The following FAM13C variants were observed in gnomAD, a reference collection of about 807,000 sequenced individuals.
The protein encoded by FAM13C is protein FAM13C.
A neutral mutation model predicts 73.2 loss-of-function variants in FAM13C; 37 were observed. The observed-to-expected ratio is 0.51, with a 90% CI of 0.39 to 0.67. FAM13C has a LOEUF of 0.67. Ranked by LOEUF, FAM13C falls within the 30% of genes least tolerant of loss-of-function variation. The pLI is 0.00. For missense variants in FAM13C, 589 were observed against 715.6 expected (o/e 0.82, Z 2.02); for synonymous variants, 246 against 260.9 (o/e 0.94, Z 0.55).
intron 3 of FAM13C, among the ~76,000 whole-genome samples, chr10:59,344,829 T>A (rs536029173): frequency 2.6e-5 from 4 of 152,118 alleles, no homozygotes; most frequent in Admixed American, 6.5e-5. Context: ...CTCAACTATT[T>A]ATCTCTGGAG....
intron 8 of FAM13C, among the ~76,000 whole-genome samples, chr10:59,267,488 G>T (rs917836863): frequency 6.6e-6 from 1 of 152,138 alleles, no homozygotes; most frequent in African/African-American, 2.4e-5. Context: ...AGCTGTGACT[G>T]CCTGACTTTG....
At chr10:59,324,221 C>T in intron 3 of FAM13C, 115 bp from the exon 4 acceptor site, 2 of 771,332 alleles carry the variant, frequency 2.6e-6, no homozygotes, top group Admixed American at 2.5e-5. Flanking sequence ...ACACATTCTG[C>T]TGATTGTAGT....
At chr10:59,339,782 G>A (rs1472270882) in intron 3 of FAM13C, among the ~76,000 whole-genome samples, 2 of 152,192 alleles carry the variant, frequency 1.3e-5, no homozygotes, top group East Asian at 3.9e-4. Flanking sequence ...GGAAAGGCCA[G>A]CTCAGTGTGC....
At chr10:59,334,227 A>G (rs571400474) in intron 3 of FAM13C, among the ~76,000 whole-genome samples, 3 of 152,348 alleles carry the variant, frequency 2.0e-5, no homozygotes, top group African/African-American at 4.8e-5. Flanking sequence ...GAAATGGAAT[A>G]TTATGTATGG....
chr10:59,338,063 T>C (rs769953151), intron 3 of FAM13C, among the ~76,000 whole-genome samples: 1 of 152,208 alleles, frequency 6.6e-6, no homozygotes, highest in Non-Finnish European at 1.5e-5. Context: ...CTAACATTTA[T>C]TGAGCTTTTA....
chr10:59,251,245 T>C, intron 13 of FAM13C: 2 of 375,426 alleles, frequency 5.3e-6, no homozygotes, highest in Admixed American at 4.5e-5. Flanking sequence ...AAAGCAGTTA[T>C]GTGGGCTAAA....
intron 8 of FAM13C, among the ~76,000 whole-genome samples, chr10:59,265,319 T>TGGGGG (rs1554811296): frequency 8.7e-4 from 2 of 2,292 alleles, no homozygotes; most frequent in African/African-American, 1.0e-3. Context: ...GAAGGGGTTT[T>TGGGGG]GGCGGGGGGG....
At chr10:59,264,195 G>T in intron 8 of FAM13C, 29 bp from the exon 9 acceptor site, 11 of 1,318,454 alleles carry the variant, frequency 8.3e-6, no homozygotes, top group Non-Finnish European at 1.2e-5. Flanking sequence ...AATGGGGGTG[G>T]AAGGGAGGGA....
At chr10:59,301,690 C>T (rs576214399) in intron 5 of FAM13C, among the ~76,000 whole-genome samples, 2 of 152,204 alleles carry the variant, frequency 1.3e-5, no homozygotes, top group African/African-American at 2.4e-5. Context: ...CAGACAGCTG[C>T]GTTCACTGAT....
intron 3 of FAM13C, among the ~76,000 whole-genome samples, chr10:59,344,791 T>G (rs1489893765): frequency 6.6e-6 from 1 of 152,122 alleles, no homozygotes; most frequent in East Asian, 1.9e-4. Flanking sequence ...CTATAGACCA[T>G]GCATTTTACC....
intron 3 of FAM13C, among the ~76,000 whole-genome samples, chr10:59,341,960 C>T (rs1003323869): frequency 2.0e-5 from 3 of 152,154 alleles, no homozygotes; most frequent in Non-Finnish European, 4.4e-5. Flanking sequence ...TTCAAAGCCA[C>T]AGTGTTCTGG....
intron 3 of FAM13C, among the ~76,000 whole-genome samples, chr10:59,347,424 T>C (rs1220561619): frequency 6.6e-6 from 1 of 152,228 alleles, no homozygotes; most frequent in Non-Finnish European, 1.5e-5. Flanking sequence ...CTTCTGATTC[T>C]GACTTTGGCG....
At chr10:59,252,032 G>C (rs1841431080) in intron 12 of FAM13C, among the ~76,000 whole-genome samples, 1 of 152,146 alleles carries the variant, frequency 6.6e-6, no homozygotes, top group Non-Finnish European at 1.5e-5. Flanking sequence ...GAACATAAGA[G>C]ATACAGAGGA....
intron 4 of FAM13C, among the ~76,000 whole-genome samples, chr10:59,315,518 A>G (rs927535872): frequency 1.3e-5 from 2 of 152,028 alleles, no homozygotes; most frequent in African/African-American, 4.8e-5. Context: ...TCTGGGGGCT[A>G]TTTGTGATTA....
intron 7 of FAM13C, 46 bp from the exon 8 acceptor site, chr10:59,268,737 C>T (rs1329230576): frequency 2.5e-6 from 4 of 1,592,468 alleles, no homozygotes; most frequent in Non-Finnish European, 3.4e-6. Flanking sequence ...CAGTGGGCTT[C>T]CAGTAAACAG....
chr10:59,271,434 T>C (rs1378245972), intron 6 of FAM13C, among the ~76,000 whole-genome samples: 18 of 152,198 alleles, frequency 1.2e-4, no homozygotes, highest in Non-Finnish European at 2.9e-5. Flanking sequence ...GGAGAATGGA[T>C]AACGCCTCCT....
intron 1 of FAM13C, among the ~76,000 whole-genome samples, chr10:59,361,969 T>G (rs1856472968): frequency 6.6e-6 from 1 of 152,224 alleles, no homozygotes; most frequent in Non-Finnish European, 1.5e-5. Flanking sequence ...AGGGCCAAGA[T>G]AAGTTTAGCC....
At chr10:59,350,764 C>T (rs551508793) in intron 3 of FAM13C, among the ~76,000 whole-genome samples, 2 of 152,276 alleles carry the variant, frequency 1.3e-5, no homozygotes, top group Non-Finnish European at 2.9e-5. Flanking sequence ...GGTTAAAAAA[C>T]CTGCCCAGCC....
chr10:59,283,670 G>C (rs534072537), intron 5 of FAM13C: 3 of 607,708 alleles, frequency 4.9e-6, no homozygotes, highest in Non-Finnish European at 8.9e-6. Context: ...AATCATATAC[G>C]CATCATTCCA....
Sources: allele counts gnomAD v4.1 joint callset (sites outside exome capture counted in the v4.1 genomes callset), GRCh38; gene constraint gnomAD v4.1.1; transcripts MANE v1.5; gene names NCBI Gene and HGNC (gene_info 2026-07-23, HGNC 2026-07-21).